Variants in NFIL3 observed in about 807,000 individuals in gnomAD.
NFIL3 encodes the protein nuclear factor interleukin-3-regulated protein.
A neutral mutation model predicts 10.0 loss-of-function variants in NFIL3; 5 were observed. That is an observed-to-expected ratio of 0.50 (90% CI 0.26 to 1.06). The LOEUF is 1.06. NFIL3 is among the 50% of genes least tolerant of loss of function. The probability of loss-of-function intolerance (pLI) is 0.13; values close to 1 mark genes in which losing one functional copy is unlikely to be tolerated. For missense variants in NFIL3, 436 were observed against 547.6 expected, an observed-to-expected ratio of 0.80 and a Z score of 2.03; for synonymous variants, 202 against 206.5, an observed-to-expected ratio of 0.98 and a Z score of 0.19.
At chr9:91,424,917 T>TA (rs1046370334), upstream of NFIL3, among the ~76,000 whole-genome samples, 1 of 152,042 alleles carries the variant, frequency 6.6e-6, no homozygotes, top group Non-Finnish European at 1.5e-5. Context: ...GGAAGAGACG[T>TA]AAAAAAATGG....
At chr9:91,416,529 T>C (rs1319896030) in intron 1 of NFIL3, among the ~76,000 whole-genome samples, 1 of 152,230 alleles carries the variant, frequency 6.6e-6, no homozygotes, top group East Asian at 1.9e-4. Context: ...CTTAAGTTTC[T>C]TTTTTGGTGA....
chr9:91,415,286 A>C (rs1833633619), intron 1 of NFIL3, among the ~76,000 whole-genome samples: 1 of 152,206 alleles, frequency 6.6e-6, no homozygotes, highest in Non-Finnish European at 1.5e-5. Context: ...AACAATCATA[A>C]TTGGTGCCAT....
chr9:91,459,981 A>G, the NFIL3 span, among the ~76,000 whole-genome samples: 5 of 152,130 alleles, frequency 3.3e-5, no homozygotes, highest in Non-Finnish European at 5.9e-5. Flanking sequence ...GATATTGATG[A>G]GGATGGTGGA....
At chr9:91,481,321 C>A in the NFIL3 span, among the ~76,000 whole-genome samples, 9 of 152,044 alleles carry the variant, frequency 5.9e-5, no homozygotes, top group Non-Finnish European at 1.3e-4. Flanking sequence ...TGGTTTTATT[C>A]ATATCCCAAG....
chr9:91,464,318 T>A, the NFIL3 span, among the ~76,000 whole-genome samples: 3 of 152,006 alleles, frequency 2.0e-5, no homozygotes, highest in Admixed American at 1.3e-4. Flanking sequence ...CTGAAAAAAA[T>A]TTTTTTAGTG....
In NFIL3 at chr9:91,409,168, T is replaced by G. The variant is rs553034523; in HGVS notation, c.*178A>C. 100 of 597,572 alleles carry G rather than the reference T, an allele frequency of 1.7e-4. No homozygotes were observed. In the African/African-American group the frequency reaches 1.8e-3, roughly 11 times the overall value. 37.0% of individuals were successfully genotyped at this position (597,572 alleles called of 1,614,324 possible). On this transcript the variant is annotated 3_prime_UTR_variant, in exon 2 of 2. Coordinates refer to ENST00000297689, the MANE Select transcript of NFIL3 (RefSeq NM_005384.3). The stretch of plus-strand genomic sequence containing the variant: ...ACTATCTGACTATACACAGGCAGAG[T>G]GATAACACAATCTAATCTTCATCAT...
the NFIL3 span, among the ~76,000 whole-genome samples, chr9:91,469,253 G>A: frequency 2.0e-5 from 3 of 152,116 alleles, no homozygotes; most frequent in Admixed American, 6.5e-5. Flanking sequence ...CATGTCCCTT[G>A]TAAGTTGGAT....
the NFIL3 span, among the ~76,000 whole-genome samples, chr9:91,451,094 C>T: frequency 1.3e-5 from 2 of 152,198 alleles, no homozygotes; most frequent in African/African-American, 4.8e-5. Flanking sequence ...TTTCAAAGCC[C>T]ACCATGACCT....
intron 1 of NFIL3, among the ~76,000 whole-genome samples, chr9:91,422,858 T>C (rs1251930678): frequency 1.3e-5 from 2 of 152,226 alleles, no homozygotes; most frequent in African/African-American, 4.8e-5. Flanking sequence ...TTTTAAAACC[T>C]GTTTATTTGG....
rs182876199 is a variant in NFIL3, at chr9:91,417,469, C to T, written c.-173+6171G>A. Among the ~76,000 whole-genome samples the T allele has an allele frequency of 5.9e-3, 896 of 152,300 alleles. 5 individuals are homozygous for T. Among genetic ancestry groups the T allele is most frequent in the Non-Finnish European group, 8.9e-3 (607 of 68,018 alleles). On this transcript the variant is annotated intron_variant, in intron 1 of 1. Transcript: ENST00000297689. Reference sequence around the variant, plus strand: ...GAATACTAGCAATATGTTAACCCTACATTTTCTTCCTGTGGGTAAAATTCA... The same window carrying T: ...GAATACTAGCAATATGTTAACCCTATATTTTCTTCCTGTGGGTAAAATTCA...
In NFIL3 at chr9:91,409,483, T is replaced by C; in HGVS notation, c.1252A>G (p.Met418Val). 1.2e-6 allele frequency: 2 copies of C among 1,614,196 alleles called. No homozygotes were observed. Among genetic ancestry groups the C allele is most frequent in the South Asian group, 1.1e-5 (1 of 91,066 alleles). The change falls in exon 2 of 2, where the codon ATG becomes GTG. Residue 418 changes from methionine to valine, a missense_variant. Met to Val is a conservative substitution (Grantham distance 21). This residue lies in a region of NFIL3 where 338 missense variants were observed against 399.9 expected (regional missense o/e 0.85). Coordinates refer to ENST00000297689, the MANE Select transcript of NFIL3 (RefSeq NM_005384.3). ...GAAACTTTGTAGCCACTGTCTTTCATTTCAACAACTCCAGTTTTGAAACTA... is the reference window on the plus strand; with the variant it reads ...GAAACTTTGTAGCCACTGTCTTTCACTTCAACAACTCCAGTTTTGAAACTA... The part of the protein sequence containing the change: ...QNSFKTGVVE[M>V]KDSGYKVSDP...
At chr9:91,426,163 T>C (rs914558765), upstream of NFIL3, 1 of 152,222 alleles carries the variant, frequency 6.6e-6, no homozygotes, top group Admixed American at 6.5e-5. Flanking sequence ...TGCTCCTATA[T>C]TTACTTGGAG....
the NFIL3 span, among the ~76,000 whole-genome samples, chr9:91,464,806 T>C: frequency 7.1e-3 from 1,073 of 152,194 alleles, 11 homozygotes; most frequent in African/African-American, 0.025. Context: ...GTGTGAACTT[T>C]TTTTCTTTTG....
the NFIL3 span, among the ~76,000 whole-genome samples, chr9:91,437,936 T>A: frequency 6.6e-6 from 1 of 152,228 alleles, no homozygotes; most frequent in African/African-American, 2.4e-5. Context: ...TGTTTCCATA[T>A]CTTGGCTATT....
At chr9:91,469,675 A>G in the NFIL3 span, among the ~76,000 whole-genome samples, 4 of 152,110 alleles carry the variant, frequency 2.6e-5, no homozygotes, top group African/African-American at 7.2e-5. Context: ...GTTTGTCATA[A>G]ATAGCTCTTA....
the NFIL3 span, among the ~76,000 whole-genome samples, chr9:91,463,656 T>C: frequency 6.6e-6 from 1 of 152,154 alleles, no homozygotes; most frequent in Non-Finnish European, 1.5e-5. Flanking sequence ...CGAAGACTTT[T>C]ATAAAGATAA....
the NFIL3 span, among the ~76,000 whole-genome samples, chr9:91,440,790 T>C: frequency 6.6e-6 from 1 of 152,158 alleles, no homozygotes; most frequent in Admixed American, 6.5e-5. Context: ...TGTTGTTTAA[T>C]TTCCACATAT....
chr9:91,424,126 G>A (rs568649271), upstream of NFIL3, among the ~76,000 whole-genome samples: 1 of 151,834 alleles, frequency 6.6e-6, no homozygotes, highest in Non-Finnish European at 1.5e-5. Flanking sequence ...GTTGCGCAAC[G>A]GCCCACGCGG....
At chr9:91,466,227 TA>T in the NFIL3 span, among the ~76,000 whole-genome samples, 2 of 152,160 alleles carry the variant, frequency 1.3e-5, no homozygotes, top group Non-Finnish European at 2.9e-5. Flanking sequence ...GCCCTGCAAT[TA>T]AAGTCAATGG....
Sources: gnomAD v4.1 joint callset for allele counts (sites outside exome capture counted in the v4.1 genomes callset) on GRCh38, gnomAD v4.1.1 for gene constraint, gnomAD v4.1.1 regional missense constraint, MANE v1.5 for transcripts, NCBI Gene and HGNC (gene_info 2026-07-23, HGNC 2026-07-21) for gene names.